The following MED16 variants were observed in gnomAD, a reference collection of about 807,000 sequenced individuals.
MED16 encodes the protein mediator of RNA polymerase II transcription subunit 16.
A neutral mutation model predicts 84.4 loss-of-function variants in MED16; 81 were observed. The observed-to-expected ratio is 0.96, with a 90% CI of 0.80 to 1.15. MED16 has a LOEUF of 1.15. Among genes scored for constraint, MED16 ranks in the 50% most tolerant of loss-of-function variants. MED16 has a pLI of 0.00. For missense variants in MED16, 1,585 were observed against 1,245.9 expected (o/e 1.27, Z -4.10); for synonymous variants, 897 against 552.2 (o/e 1.62, Z -8.76).
rs755086892 is a variant in MED16 at position 873,514 on chromosome 19, G to C, written c.1840C>G (p.Leu614Val). ...CCCACCCACTGCAAGAGCTGCTGCA[G>C]CGCCTGCAGTGTGTTCATGTCCAGC... ...FVLDMNTLQA[L>V]QQLLQWVGDF... Residue 614 changes from leucine to valine, a missense_variant, in exon 11 of 16, where the codon CTG becomes GTG. Leu to Val is a conservative substitution (Grantham distance 32). Transcript: ENST00000325464. 5 of 1,612,266 alleles carry C rather than the reference G, an allele frequency of 3.1e-6. No homozygotes were observed. The highest frequency in any genetic ancestry group is 1.7e-4 in the Middle Eastern group (1 of 6,050).
At chr19:886,771 AGTCT>A (rs1193992442) in intron 4 of MED16, among the ~76,000 whole-genome samples, 3 of 152,194 alleles carry the variant, frequency 2.0e-5, no homozygotes, top group African/African-American at 7.2e-5. Context: ...TTTCAACGTG[AGTCT>A]TTTAAAAGAT....
chr19:868,490 A>G lies in MED16; in HGVS notation c.2409T>C (p.Cys803=). 1 of 1,610,432 alleles carries G rather than the reference A, an allele frequency of 6.2e-7. No homozygotes were observed. The highest frequency in any genetic ancestry group is 8.5e-7 in the Non-Finnish European group (1 of 1,179,802). Residue 803 remains cysteine (C), a synonymous_variant, in exon 15 of 16, where the codon TGT becomes TGC. Transcript: ENST00000325464. ...EECKACTRCG[C]VTMLKSPNRT... ...TGTTGGGCGACTTGAGCATGGTGACACAGCCGCACCTGCGGGGAGGCAGGC... is the reference window on the plus strand; with the variant it reads ...TGTTGGGCGACTTGAGCATGGTGACGCAGCCGCACCTGCGGGGAGGCAGGC...
At chr19:868,764 C>G in intron 14 of MED16, 99 bp downstream of exon 14, 1 of 1,327,038 alleles carries the variant, frequency 7.5e-7, no homozygotes, top group Non-Finnish European at 1.0e-6. Context: ...GCTCCCTCCA[C>G]CACCCTTGAC....
intron 10 of MED16, among the ~76,000 whole-genome samples, chr19:874,511 GAGCCTGGGCA>G (rs1225566623): frequency 2.0e-5 from 3 of 152,180 alleles, no homozygotes; most frequent in African/African-American, 7.2e-5. Context: ...CGTGCTGGGT[GAGCCTGGGCA>G]AGCTGCTTAG....
chr19:880,073 T>C lies in MED16; in HGVS notation c.1217A>G (p.Tyr406Cys), dbSNP rs1382482027. ...CACAGGCCTCGGGGCCGCGGAGCTG[T>C]AGAAGACGGCCATGGTCTGCAGTGA... ...RLSLQTMAVF[Y>C]SSAAPRPVDE... The change falls in exon 8 of 16, where the codon TAC (tyrosine) becomes TGC (cysteine). Residue 406 changes from tyrosine to cysteine, a missense_variant. Tyr to Cys is a radical substitution (Grantham distance 194). Transcript: ENST00000325464. 1 of 1,610,912 alleles carries C rather than the reference T, an allele frequency of 6.2e-7. No homozygotes were observed. Among genetic ancestry groups the C allele is most frequent in the Admixed American group, 1.7e-5 (1 of 59,908 alleles).
Position 884,884 on chromosome 19 carries a change from C to A in MED16, c.985+19G>T. The A allele has an allele frequency of 6.3e-7, 1 of 1,588,528 alleles. No individual in the cohort carries two copies. The highest frequency in any genetic ancestry group is 1.1e-5 in the South Asian group (1 of 88,758). On this transcript the variant is annotated intron_variant, in intron 6 of 15. Coordinates refer to ENST00000325464, the MANE Select transcript of MED16 (RefSeq NM_005481.3). ...CCCGAGGGCAGGCCCAGGGCCTCCG[C>A]AGCCGGCGGGAGACTCACCCACGGG...
intron 1 of MED16, chr19:892,836 G>A (rs2036665220): frequency 1.3e-5 from 2 of 148,902 alleles, no homozygotes; most frequent in South Asian, 1.8e-4. Context: ...CAGCCCCGCG[G>A]GCCTCAGGCC....
At chr19:885,143 C>T in intron 5 of MED16, 135 bp from the exon 6 acceptor site, 1 of 651,004 alleles carries the variant, frequency 1.5e-6, no homozygotes, top group Non-Finnish European at 2.7e-6. Context: ...CCCTCGGGCC[C>T]TCCTGGATTC....
chr19:877,287 C>CGCACGCCCGTGTGTGG (rs1248943192), intron 8 of MED16, 107 bp from the exon 9 acceptor site: 14 of 1,055,072 alleles, frequency 1.3e-5, no homozygotes, highest in African/African-American at 1.8e-5. Context: ...TCTGTGTGCG[C>CGCACGCCCGTGTGTGG]GCACGCCCGT....
Position 871,217 on chromosome 19 carries a change from G to T in MED16, c.2135C>A (p.Ala712Glu). 1 of 1,547,076 alleles carries T rather than the reference G, an allele frequency of 6.5e-7. No individual in the cohort carries two copies. Among genetic ancestry groups the T allele is most frequent in the Non-Finnish European group, 8.7e-7 (1 of 1,144,254 alleles). The change falls in exon 13 of 16, where the codon GCG becomes GAG. Residue 712 changes from alanine to glutamate, a missense_variant. Coordinates refer to ENST00000325464, the MANE Select transcript of MED16 (RefSeq NM_005481.3). Reference protein sequence around the residue: ...DEGPASEPDEALVDECCLLPS... With the variant: ...DEGPASEPDEELVDECCLLPS... The stretch of plus-strand genomic sequence containing the variant: ...CAGCAGGCAGCATTCATCCACCAGC[G>T]CCTCGTCCGGCTCGCTCGCTGGGCC...
chr19:869,969 A>G (rs897969652), intron 13 of MED16, among the ~76,000 whole-genome samples: 4 of 152,126 alleles, frequency 2.6e-5, no homozygotes, highest in African/African-American at 9.7e-5. Context: ...AAATGGGGTG[A>G]CAAGGTCCCA....
intron 13 of MED16, 133 bp from the exon 14 acceptor site, chr19:869,079 TGTGAACA>T (rs1456912688): frequency 1.3e-6 from 1 of 769,120 alleles, no homozygotes; most frequent in African/African-American, 1.8e-5. Context: ...CCCAGATGTC[TGTGAACA>T]GTGAGGTGGG....
Position 885,026 on chromosome 19 carries a change from G to T in MED16, c.880-18C>A. On this transcript the variant is annotated intron_variant, in intron 5 of 15. Coordinates refer to ENST00000325464, the MANE Select transcript of MED16 (RefSeq NM_005481.3). ...AAAAGCACCTGCGGGGGAGGTGGGGGTGAGGGCTGACCCGGCACTGCTGTG... is the reference window on the plus strand; with the variant it reads ...AAAAGCACCTGCGGGGGAGGTGGGGTTGAGGGCTGACCCGGCACTGCTGTG... 1 of 1,572,080 alleles carries T rather than the reference G, an allele frequency of 6.4e-7. No individual in the cohort carries two copies. Among genetic ancestry groups the T allele is most frequent in the African/African-American group, 1.3e-5 (1 of 74,398 alleles).
chr19:872,821 T>C, intron 11 of MED16: 1 of 347,422 alleles, frequency 2.9e-6, no homozygotes, highest in Non-Finnish European at 4.2e-6. Context: ...GAACCGGCCT[T>C]CGTGTAGGGG....
At chr19:880,246 G>GA in intron 7 of MED16, 98 bp from the exon 8 acceptor site, 1 of 1,174,134 alleles carries the variant, frequency 8.5e-7, no homozygotes, top group Non-Finnish European at 1.1e-6. Context: ...AGCCGGGGCT[G>GA]CCCATCCAGG....
chr19:871,046 C>T lies in MED16; in HGVS notation c.2306G>A (p.Gly769Asp). ...PGSAATLQLDGLARAPGQPKI... is the reference protein window; with the variant it reads ...PGSAATLQLDDLARAPGQPKI... ...GCAGGGACACACGCACCTGGCGAGG[C>T]CGTCGAGCTGCAGGGTGGCAGCACT... is the stretch of plus-strand genomic sequence containing the variant. The change falls in exon 13 of 16, where the codon GGC becomes GAC. Residue 769 changes from glycine (G) to aspartate (D), a missense_variant. Physicochemically the swap from Gly to Asp is moderately conservative, Grantham distance 94. Transcript: ENST00000325464. 1 of 1,542,808 alleles carries T rather than the reference C, an allele frequency of 6.5e-7. No homozygotes were observed. The highest frequency in any genetic ancestry group is 8.8e-7 in the Non-Finnish European group (1 of 1,142,178).
chr19:888,098 G>A (rs907344388), intron 4 of MED16, among the ~76,000 whole-genome samples: 1 of 152,018 alleles, frequency 6.6e-6, no homozygotes, highest in African/African-American at 2.4e-5. Flanking sequence ...CAGCTATTCA[G>A]GAGGCTGAGG....
In MED16 at chr19:868,410, C is replaced by G. The variant is rs1444945674; in HGVS notation, c.2483+6G>C. Reference sequence around the variant, plus strand: ...GAGGGGCACCCGCCACCAGAGCCCACCGCACAGGCAGTTCTTGATCCAGCG... The same window carrying G: ...GAGGGGCACCCGCCACCAGAGCCCAGCGCACAGGCAGTTCTTGATCCAGCG... On this transcript the variant is annotated splice_donor_region_variant and intron_variant, in intron 15 of 15. Coordinates refer to ENST00000325464, the MANE Select transcript of MED16 (RefSeq NM_005481.3). 1 of 1,609,536 alleles carries G rather than the reference C, an allele frequency of 6.2e-7. No individual in the cohort carries two copies. Among genetic ancestry groups the G allele is most frequent in the African/African-American group, 1.3e-5 (1 of 75,048 alleles).
chr19:878,573 C>G (rs1216530215), intron 8 of MED16, among the ~76,000 whole-genome samples: 44 of 131,274 alleles, frequency 3.4e-4, no homozygotes, highest in African/African-American at 1.1e-3. Flanking sequence ...GCCCCAGCCC[C>G]ACATGCCCCA....
Sources: gnomAD v4.1 joint callset for allele counts (sites outside exome capture counted in the v4.1 genomes callset) on GRCh38, gnomAD v4.1.1 for gene constraint, MANE v1.5 for transcripts, NCBI Gene and HGNC (gene_info 2026-07-23, HGNC 2026-07-21) for gene names.